Variants in WDFY1 observed in about 807,000 individuals in gnomAD.
The protein encoded by WDFY1 is WD repeat and FYVE domain-containing protein 1.
WDFY1 carries 32 observed loss-of-function variants against 56.4 expected under a neutral mutation model. That is an observed-to-expected ratio of 0.57 (90% CI 0.43 to 0.76). The LOEUF (loss-of-function observed/expected upper bound fraction) is 0.76. WDFY1 is among the 30% of genes least tolerant of loss of function. The pLI is 0.00. For synonymous variants in WDFY1, 192 were observed against 197.3 expected, an observed-to-expected ratio of 0.97 and a Z score of 0.23; for missense variants, 480 against 545.7, an observed-to-expected ratio of 0.88 and a Z score of 1.20.
chr2:223,927,604 C>A (rs936391955), intron 1 of WDFY1, among the ~76,000 whole-genome samples: 3 of 152,214 alleles, frequency 2.0e-5, no homozygotes, highest in Non-Finnish European at 4.4e-5. Context: ...CTATTCAGAT[C>A]ACTAAACCTT....
At chr2:223,941,050 G>A (rs138751532) in intron 1 of WDFY1, among the ~76,000 whole-genome samples, 6,778 of 152,090 alleles carry the variant, frequency 0.045, 484 homozygotes, top group African/African-American at 0.15. Flanking sequence ...TCAAACTCCT[G>A]ACCTCAGGTG....
chr2:223,894,926 C>T (rs1693337374), intron 7 of WDFY1, among the ~76,000 whole-genome samples: 1 of 152,210 alleles, frequency 6.6e-6, no homozygotes, highest in African/African-American at 2.4e-5. Flanking sequence ...GTAACAGCTG[C>T]AGCCTAGCCA....
chr2:223,943,324 C>G (rs1362181058), intron 1 of WDFY1, among the ~76,000 whole-genome samples: 1 of 152,170 alleles, frequency 6.6e-6, no homozygotes, highest in Non-Finnish European at 1.5e-5. Context: ...CACTCCCCTC[C>G]TTGTTGGAAG....
chr2:223,883,073 C>T (rs749020354), intron 9 of WDFY1, among the ~76,000 whole-genome samples: 5 of 152,028 alleles, frequency 3.3e-5, no homozygotes, highest in Non-Finnish European at 5.9e-5. Context: ...TTTATAGAGA[C>T]GGGGTCTCAT....
At chr2:223,901,054 A>G in intron 5 of WDFY1, 129 bp downstream of exon 5, 1 of 1,181,844 alleles carries the variant, frequency 8.5e-7, no homozygotes, top group Non-Finnish European at 1.1e-6. Context: ...AAAAAATGCA[A>G]TTACTTTTGC....
chr2:223,916,501 G>A (rs983025805), intron 2 of WDFY1, among the ~76,000 whole-genome samples: 7 of 152,260 alleles, frequency 4.6e-5, no homozygotes, highest in Admixed American at 1.3e-4. Context: ...AAATCATCAC[G>A]CATGCACTAA....
intron 1 of WDFY1, among the ~76,000 whole-genome samples, chr2:223,935,681 T>C (rs547365736): frequency 1.1e-4 from 17 of 152,344 alleles, no homozygotes; most frequent in South Asian, 6.2e-4. Context: ...GTACAGACTA[T>C]GTGGGAAGAT....
chr2:223,895,625 C>A lies in WDFY1; in HGVS notation c.604G>T (p.Val202Phe). 1 of 1,613,826 alleles carries A rather than the reference C, an allele frequency of 6.2e-7. No homozygotes were observed. The highest frequency in any genetic ancestry group is 8.5e-7 in the Non-Finnish European group (1 of 1,179,906). Residue 202 changes from valine to phenylalanine, a missense_variant, in exon 7 of 12, where the codon GTC becomes TTC. By Grantham distance (50) the Val-to-Phe change is conservative (BLOSUM62 -1). Transcript: ENST00000233055. Reference sequence around the variant, plus strand: ...ATAGGGTCCCACCAGAGGCAGGCGACACTACCTAGGGATTTGTGAGAGAGA... The same window carrying A: ...ATAGGGTCCCACCAGAGGCAGGCGAAACTACCTAGGGATTTGTGAGAGAGA... ...ITTLKGHEGS[V>F]ACLWWDPIQR...
At chr2:223,898,788 C>T (rs1442030896) in intron 6 of WDFY1, among the ~76,000 whole-genome samples, 170 bp downstream of exon 6, 2 of 152,270 alleles carry the variant, frequency 1.3e-5, no homozygotes, top group Middle Eastern at 3.4e-3. Context: ...ATGAAATGAA[C>T]CCATCACCCC....
chr2:223,914,764 T>C (rs1386283774), intron 2 of WDFY1, among the ~76,000 whole-genome samples: 2 of 152,232 alleles, frequency 1.3e-5, no homozygotes, highest in Non-Finnish European at 2.9e-5. Flanking sequence ...ATAGCTGTTG[T>C]GATGGTTTCA....
intron 3 of WDFY1, 94 bp downstream of exon 3, chr2:223,912,159 A>T: frequency 7.8e-7 from 1 of 1,280,060 alleles, no homozygotes; most frequent in Non-Finnish European, 1.1e-6. Flanking sequence ...ATCCATTGTT[A>T]ATCCAAAGTT....
chr2:223,882,746 C>T (rs951476934), intron 9 of WDFY1, among the ~76,000 whole-genome samples: 5 of 151,284 alleles, frequency 3.3e-5, no homozygotes, highest in African/African-American at 1.2e-4. Context: ...TTTTCAGAGA[C>T]AGGGTCTCAT....
At chr2:223,939,126 T>TAGCA (rs1225244835) in intron 1 of WDFY1, among the ~76,000 whole-genome samples, 2 of 152,200 alleles carry the variant, frequency 1.3e-5, no homozygotes, top group Non-Finnish European at 2.9e-5. Context: ...GTCCCTGGAC[T>TAGCA]AGCAGCATCA....
In WDFY1 at chr2:223,877,317, TA is replaced by T. The variant is rs1417530803; in HGVS notation, c.*1353del. On this transcript the variant is annotated 3_prime_UTR_variant, in exon 12 of 12. Coordinates refer to ENST00000233055, the MANE Select transcript of WDFY1 (RefSeq NM_020830.5). ...ATGCAGTACTGAGGTTTTTTTTTTTTAATCAATATCTATTAGTAAGATTAGC... is the reference window on the plus strand; with the variant it reads ...ATGCAGTACTGAGGTTTTTTTTTTTTATCAATATCTATTAGTAAGATTAGC... The T allele has an allele frequency of 3.9e-5, 6 of 152,234 alleles. No individual in the cohort carries two copies. The highest frequency in any genetic ancestry group is 5.9e-5 in the Non-Finnish European group (4 of 68,024). The allele number at this position is 152,234 out of a possible 1,614,324, so 9.4% of individuals were successfully genotyped here.
chr2:223,919,892 A>G (rs1693860797), intron 1 of WDFY1, among the ~76,000 whole-genome samples: 1 of 152,036 alleles, frequency 6.6e-6, no homozygotes, highest in Non-Finnish European at 1.5e-5. Flanking sequence ...ACCCTCACAC[A>G]CCCTGACCAT....
intron 2 of WDFY1, among the ~76,000 whole-genome samples, chr2:223,912,850 C>T: frequency 6.6e-6 from 1 of 152,162 alleles, no homozygotes; most frequent in East Asian, 1.9e-4. Flanking sequence ...CTACCCTACC[C>T]TCTTCCAGAA....
rs1327430613 is a variant in WDFY1 at position 223,912,182 on chromosome 2, T to C, written c.279+71A>G. ...TTAATCCAAAGTTAACTGGCCAATA[T>C]GGGACATGGGAGGTCAATATAAAGA... On this transcript the variant is annotated intron_variant, in intron 3 of 11. Transcript: ENST00000233055. 1.5e-5 allele frequency: 22 copies of C among 1,452,698 alleles called. No individual in the cohort carries two copies. In the South Asian group the frequency reaches 2.7e-4, roughly 18 times the overall value. 90.0% of individuals were successfully genotyped at this position (1,452,698 alleles called of 1,614,324 possible). A position where few individuals can be genotyped will look rare whatever the true frequency, so the allele number is the denominator to read the frequency against.
chr2:223,919,585 T>C (rs897244307), intron 1 of WDFY1, among the ~76,000 whole-genome samples: 1 of 152,082 alleles, frequency 6.6e-6, no homozygotes, highest in African/African-American at 2.4e-5. Context: ...TCACGGCTCA[T>C]AGCAGCCTTG....
chr2:223,943,272 A>T (rs921965043), intron 1 of WDFY1, among the ~76,000 whole-genome samples: 1 of 150,402 alleles, frequency 6.6e-6, no homozygotes, highest in Non-Finnish European at 1.5e-5. Flanking sequence ...GATCTCTCTC[A>T]CTCCTTTCTG....
Sources: allele counts gnomAD v4.1 joint callset (sites outside exome capture counted in the v4.1 genomes callset), GRCh38; gene constraint gnomAD v4.1.1; transcripts MANE v1.5; gene names NCBI Gene and HGNC (gene_info 2026-07-23, HGNC 2026-07-21).